The following NCOR2 variants were observed in gnomAD, a reference collection of about 807,000 sequenced individuals.
The protein encoded by NCOR2 is nuclear receptor corepressor 2, also known as CTG repeat protein 26.
NCOR2 carries 81 observed loss-of-function variants against 262.9 expected under a neutral mutation model. That is an observed-to-expected ratio of 0.31 (90% CI 0.26 to 0.37). The LOEUF (loss-of-function observed/expected upper bound fraction) is 0.37, where lower values mean the gene tolerates loss of function less well. Among genes scored for constraint, NCOR2 ranks in the 10% least tolerant of loss-of-function variants. The pLI is 1.00. For missense variants in NCOR2, 3,385 were observed against 3,621.4 expected (o/e 0.93, Z 1.68); for synonymous variants, 1,659 against 1,559.3 (o/e 1.06, Z -1.51).
rs774584171 is a variant in NCOR2, at chr12:124,333,886, A to ACG, written c.6605+537_6605+538insCG. Among the ~76,000 whole-genome samples, 265 of 120,792 alleles carry ACG rather than the reference A, an allele frequency of 2.2e-3. 4 individuals are homozygous for ACG. The highest frequency in any genetic ancestry group is 6.9e-3 in the African/African-American group (249 of 36,064). 79.2% of individuals were successfully genotyped at this position (120,792 alleles called of 152,430 possible). A position where few individuals can be genotyped will look rare whatever the true frequency, so the allele number is the denominator to read the frequency against. On this transcript the variant is annotated intron_variant, in intron 41 of 46. Transcript: ENST00000405201. ...TGTGTGCGCATGTGTGCGGGTGTGCATGTGTGTGTGCGCGCGCATGTGTGC... is the reference window on the plus strand; with the variant it reads ...TGTGTGCGCATGTGTGCGGGTGTGCACGTGTGTGTGTGCGCGCGCATGTGTGC...
At chr12:124,338,089 G>A (rs535324542) in intron 37 of NCOR2, among the ~76,000 whole-genome samples, 315 of 152,356 alleles carry the variant, frequency 2.1e-3, no homozygotes, top group Non-Finnish European at 3.7e-3. Context: ...TTTGGGAAAC[G>A]ATGCCATTTT....
In NCOR2 at chr12:124,523,649, AAC is replaced by A. The variant is rs2050310880; in HGVS notation, c.-118+11914_-118+11915del. On this transcript the variant is annotated intron_variant, in intron 1 of 46. Transcript: ENST00000404621. The surrounding 1 kb of genome is among the most constrained non-coding windows in gnomAD (Gnocchi z 4.0). ...TAGCTGATGAACTAAAAAAAAAAAA[AAC>A]AAAAAACCGAAAAACAATCTGTTTT... Among the ~76,000 whole-genome samples the A allele has an allele frequency of 1.3e-5, 2 of 151,708 alleles. No individual in the cohort carries two copies. The highest frequency in any genetic ancestry group is 4.8e-5 in the African/African-American group (2 of 41,306).
intron 10 of NCOR2, among the ~76,000 whole-genome samples, chr12:124,428,253 C>T (rs1406262449): frequency 2.6e-5 from 4 of 152,240 alleles, no homozygotes; most frequent in African/African-American, 9.6e-5. Flanking sequence ...CTGACACGGC[C>T]CAGCTCCGGC....
At chr12:124,353,948 A>G in intron 27 of NCOR2, 145 bp downstream of exon 29, 1 of 745,890 alleles carries the variant, frequency 1.3e-6, no homozygotes, top group Non-Finnish European at 2.2e-6. Flanking sequence ...TGCAGACTAG[A>G]TGAAAGTTCA....
rs865916337 is a variant in NCOR2 at position 124,433,877 on chromosome 12, C to A, written c.883-3090G>T. ...ACACACACACACACACACACACACA[C>A]ACACACACACACACACACACACGCA... On this transcript the variant is annotated intron_variant, in intron 8 of 46. Transcript: ENST00000405201. Among the ~76,000 whole-genome samples the A allele has an allele frequency of 1.5e-3, 180 of 119,332 alleles. 2 individuals are homozygous for A. The highest frequency in any genetic ancestry group is 6.9e-3 in the African/African-American group (168 of 24,422). 78.3% of individuals were successfully genotyped at this position (119,332 alleles called of 152,430 possible).
At chr12:124,552,610 G>T (rs1011712021) in intron 1 of NCOR2, among the ~76,000 whole-genome samples, 1 of 152,174 alleles carries the variant, frequency 6.6e-6, no homozygotes, top group Non-Finnish European at 1.5e-5. Context: ...CAGGCTCTGT[G>T]GGGGCAGCAA....
rs1240570260 is a variant in NCOR2 at position 124,549,773 on chromosome 12, G to A, written c.-164-14162C>T. Reference sequence around the variant, plus strand: ...CAACCCCTCAAGATAACCTTATCACGTTTCACGGAGGGAGAGAGGGCGGCA... The same window carrying A: ...CAACCCCTCAAGATAACCTTATCACATTTCACGGAGGGAGAGAGGGCGGCA... On this transcript the variant is annotated intron_variant, in intron 1 of 32. Coordinates refer to the NCOR2 transcript ENST00000458234. The surrounding 1 kb of genome is among the most constrained non-coding windows in gnomAD (Gnocchi z 4.4). Among the ~76,000 whole-genome samples the A allele has an allele frequency of 3.9e-5, 6 of 152,166 alleles. No homozygotes were observed. Among genetic ancestry groups the A allele is most frequent in the Non-Finnish European group, 7.4e-5 (5 of 68,026 alleles).
Position 124,372,946 on chromosome 12 carries a change from G to A in NCOR2, c.2219-336C>T, listed in dbSNP as rs116442923. Among the ~76,000 whole-genome samples the A allele has an allele frequency of 3.6e-3, 546 of 152,340 alleles. 3 individuals are homozygous for A. The highest frequency in any genetic ancestry group is 0.012 in the African/African-American group (519 of 41,578). On this transcript the variant is annotated intron_variant, in intron 19 of 46. Transcript: ENST00000405201. ...AGGGTGGCCGTGGGCAAAGGCCTTC[G>A]TCCTGGGGGTCTCCATGTTCTCATC...
At chr12:124,541,575 T>G (rs1423109769) in intron 1 of NCOR2, among the ~76,000 whole-genome samples, 2 of 11,904 alleles carry the variant, frequency 1.7e-4, no homozygotes, top group South Asian at 3.8e-3. Context: ...GAGTGGAGAT[T>G]GAAGGGGATG....
At chr12:124,508,715 T>C (rs1411166473) in intron 1 of NCOR2, among the ~76,000 whole-genome samples, 1 of 152,140 alleles carries the variant, frequency 6.6e-6, no homozygotes, top group East Asian at 1.9e-4. Flanking sequence ...AAGCCCAATT[T>C]TGAGACATCT....
chr12:124,445,971 A>T (rs1297956898), intron 7 of NCOR2, among the ~76,000 whole-genome samples: 1 of 152,260 alleles, frequency 6.6e-6, no homozygotes, highest in Non-Finnish European at 1.5e-5. Context: ...ACAGCTAGTC[A>T]AACAGCCAGG....
chr12:124,491,225 A>G (rs1222397074), intron 1 of NCOR2, among the ~76,000 whole-genome samples: 1 of 152,260 alleles, frequency 6.6e-6, no homozygotes, highest in Non-Finnish European at 1.5e-5. Context: ...GGGGCAAGAC[A>G]GAAAAAGCTA....
At chr12:124,529,196 A>AAAAAAAAAC (rs1566029114) in intron 1 of NCOR2, among the ~76,000 whole-genome samples, 1 of 147,170 alleles carries the variant, frequency 6.8e-6, no homozygotes, top group African/African-American at 2.6e-5. Context: ...AAAAAAAAAA[A>AAAAAAAAAC]AAAAAACACT....
At chr12:124,392,523 C>T (rs1371457054) in intron 16 of NCOR2, among the ~76,000 whole-genome samples, 2 of 152,124 alleles carry the variant, frequency 1.3e-5, no homozygotes, top group East Asian at 3.9e-4. Flanking sequence ...TCGCCTCCTG[C>T]TGGGCCCTGA....
intron 13 of NCOR2, among the ~76,000 whole-genome samples, chr12:124,410,224 G>A (rs546024815): frequency 3.9e-4 from 57 of 146,294 alleles, no homozygotes; most frequent in Non-Finnish European, 6.0e-5. Flanking sequence ...CCTGGGGAGC[G>A]CTCACATTTT....
intron 37 of NCOR2, 113 bp downstream of exon 39, chr12:124,339,893 G>GTCCCCCCCCCCCCCCC: frequency 1.8e-6 from 1 of 566,002 alleles, no homozygotes; most frequent in South Asian, 2.0e-5. Context: ...CCACACATCT[G>GTCCCCCCCCCCCCCCC]CCCACCCACC....
chr12:124,509,905 G>A (rs1000059858), intron 1 of NCOR2, among the ~76,000 whole-genome samples: 2 of 152,008 alleles, frequency 1.3e-5, no homozygotes, highest in Non-Finnish European at 2.9e-5. Context: ...TCCGGACCTC[G>A]GTTTCCGGAG....
At chr12:124,488,261 T>C (rs1350901979) in intron 1 of NCOR2, among the ~76,000 whole-genome samples, 1 of 152,112 alleles carries the variant, frequency 6.6e-6, no homozygotes, top group African/African-American at 2.4e-5. Flanking sequence ...CCAGGAAGGA[T>C]GAGCAAGTGG....
intron 13 of NCOR2, among the ~76,000 whole-genome samples, chr12:124,410,043 C>T (rs1565917453): frequency 1.3e-5 from 2 of 151,324 alleles, no homozygotes; most frequent in African/African-American, 4.9e-5. Flanking sequence ...CAGACTCAAA[C>T]ACCACCCATC....
Sources: gnomAD v4.1 joint callset for allele counts (sites outside exome capture counted in the v4.1 genomes callset) on GRCh38, gnomAD v4.1.1 for gene constraint, Gnocchi (gnomAD v3.1) non-coding constraint, MANE v1.5 for transcripts, NCBI Gene and HGNC (gene_info 2026-07-23, HGNC 2026-07-21) for gene names.